SLC7A7: variants seen among roughly 807,000 people sequenced by gnomAD.
SLC7A7 encodes the protein Y+L amino acid transporter 1.
In SLC7A7, 39 loss-of-function variants were observed where a neutral mutation model predicts 47.9. The observed-to-expected ratio is 0.81, with a 90% CI of 0.63 to 1.06. The LOEUF (loss-of-function observed/expected upper bound fraction) is 1.06, where lower values mean the gene tolerates loss of function less well. SLC7A7 is among the 50% of genes least tolerant of loss of function. SLC7A7 has a pLI of 0.00. For synonymous variants in SLC7A7, 234 were observed against 242.8 expected (o/e 0.96, Z 0.34); for missense variants, 588 against 632.0 (o/e 0.93, Z 0.75).
chr14:22,792,897 A>AGAGAGAGAGAGAGAGAGAG (rs1555323613), intron 2 of SLC7A7, among the ~76,000 whole-genome samples: 6 of 61,898 alleles, frequency 9.7e-5, no homozygotes, highest in Non-Finnish European at 2.1e-4. Flanking sequence ...GAGAGAGAGA[A>AGAGAGAGAGAGAGAGAGAG]AGGAAAAGAA....
At chr14:22,801,560 G>T (rs924112840) in intron 2 of SLC7A7, among the ~76,000 whole-genome samples, 2 of 152,064 alleles carry the variant, frequency 1.3e-5, no homozygotes, top group African/African-American at 4.8e-5. Context: ...GAGGCAGGCG[G>T]ATCATGAGGT....
upstream of SLC7A7, chr14:22,815,738 T>A (rs2039398174): frequency 2.2e-6 from 1 of 451,124 alleles, no homozygotes; most frequent in Non-Finnish European, 4.5e-6. Context: ...CAGAGCAAGT[T>A]AGCTGAGGAC....
At chr14:22,795,772 C>T (rs933561019) in intron 2 of SLC7A7, among the ~76,000 whole-genome samples, 3 of 152,182 alleles carry the variant, frequency 2.0e-5, no homozygotes, top group African/African-American at 7.2e-5. Flanking sequence ...CGTGCCCGGC[C>T]TTGTTTTCTT....
chr14:22,775,518 C>T lies in SLC7A7; in HGVS notation c.1021G>A (p.Glu341Lys). The change falls in exon 7 of 10, where the codon GAA becomes AAA. Residue 341 changes from glutamate (E) to lysine (K), a missense_variant. Coordinates refer to ENST00000674313, the MANE Select transcript of SLC7A7 (RefSeq NM_003982.4). ...CAGATGGCATCAGGGAGATGGCCTT[C>T]TCTTGAGCCCACAAAGAAAAGCCTA... is the stretch of plus-strand genomic sequence containing the variant. ...ASRLFFVGSR[E>K]GHLPDAICMI... 1.2e-6 allele frequency: 2 copies of T among 1,614,180 alleles called. No homozygotes were observed. The highest frequency in any genetic ancestry group is 1.7e-6 in the Non-Finnish European group (2 of 1,180,020).
chr14:22,810,026 G>T (rs8017726), intron 2 of SLC7A7, among the ~76,000 whole-genome samples: 2 of 123,782 alleles, frequency 1.6e-5, no homozygotes, highest in Non-Finnish European at 3.2e-5. Flanking sequence ...GCAACAAGAG[G>T]GAAACACTGT....
chr14:22,808,780 T>C (rs1189419869), intron 2 of SLC7A7, among the ~76,000 whole-genome samples: 1 of 152,218 alleles, frequency 6.6e-6, no homozygotes, highest in Non-Finnish European at 1.5e-5. Flanking sequence ...TTATCAAAGA[T>C]AGAACAAAGT....
intron 7 of SLC7A7, among the ~76,000 whole-genome samples, chr14:22,774,818 C>G (rs964115656): frequency 6.6e-5 from 10 of 152,158 alleles, no homozygotes; most frequent in African/African-American, 2.4e-4. Context: ...TTATCTCCTC[C>G]TACATGTTGA....
chr14:22,773,830 A>G, intron 9 of SLC7A7, 103 bp downstream of exon 9: 1 of 1,561,868 alleles, frequency 6.4e-7, no homozygotes, highest in South Asian at 1.1e-5. Flanking sequence ...AAGGGTTCAT[A>G]AGAAGGGGCT....
At position 22,778,925 on chromosome 14, in the gene SLC7A7, T is replaced by C; in HGVS notation, c.638A>G (p.His213Arg). ...IVRLGQGAST[H>R]FENSFEGSSF... ...TGAACCCTCAAAGGAATTCTCAAAA[T>C]GAGTAGAGGCTCCTGGAACCCAAGA... Residue 213 changes from histidine (H) to arginine (R), a missense_variant, in exon 4 of 10, where the codon CAT becomes CGT. His to Arg is a conservative substitution (Grantham distance 29). Coordinates refer to ENST00000674313, the MANE Select transcript of SLC7A7 (RefSeq NM_003982.4). 6.2e-7 allele frequency: 1 copy of C among 1,614,004 alleles called. No individual in the cohort carries two copies.
At chr14:22,785,763 C>T (rs543329646) in intron 2 of SLC7A7, among the ~76,000 whole-genome samples, 3 of 150,674 alleles carry the variant, frequency 2.0e-5, no homozygotes, top group Admixed American at 6.6e-5. Context: ...GTGGCTCACG[C>T]TGTAATCCCA....
At chr14:22,776,170 CCTT>C (rs757476551) in intron 5 of SLC7A7, 22 bp downstream of exon 5, 2 of 1,614,180 alleles carry the variant, frequency 1.2e-6, no homozygotes, top group East Asian at 4.5e-5. Context: ...ACACCCTCAA[CCTT>C]CTGCTAGTGA....
chr14:22,795,762 C>T (rs940871695), intron 2 of SLC7A7, among the ~76,000 whole-genome samples: 6 of 152,196 alleles, frequency 3.9e-5, no homozygotes, highest in Admixed American at 2.0e-4. Flanking sequence ...CGTGAGCCAC[C>T]GTGCCCGGCC....
chr14:22,779,839 T>A, intron 3 of SLC7A7, 87 bp downstream of exon 3: 2 of 1,204,330 alleles, frequency 1.7e-6, no homozygotes, highest in Non-Finnish European at 2.4e-6. Flanking sequence ...TAGTAAGAAA[T>A]GAGATAATGC....
chr14:22,795,068 CTTTCTTTCTTTTTT>C (rs1444121585), intron 2 of SLC7A7, among the ~76,000 whole-genome samples: 1 of 122,686 alleles, frequency 8.2e-6, no homozygotes, highest in East Asian at 2.6e-4. Flanking sequence ...GTATTGTTTT[CTTTCTTTCTTTTTT>C]TTTTTTTTTT....
intron 2 of SLC7A7, among the ~76,000 whole-genome samples, chr14:22,796,606 A>C (rs766400098): frequency 2.6e-5 from 4 of 152,234 alleles, no homozygotes; most frequent in Non-Finnish European, 5.9e-5. Context: ...ACTGCCAGGT[A>C]CTGCTGACTC....
chr14:22,817,927 C>A (rs533756367), upstream of SLC7A7, among the ~76,000 whole-genome samples: 38 of 152,300 alleles, frequency 2.5e-4, no homozygotes, highest in African/African-American at 8.4e-4. Context: ...TCCTTCCTGG[C>A]TGCCCCTCCC....
intron 2 of SLC7A7, among the ~76,000 whole-genome samples, chr14:22,791,293 T>C (rs2038919980): frequency 6.6e-6 from 1 of 152,206 alleles, no homozygotes; most frequent in African/African-American, 2.4e-5. Flanking sequence ...ATCTTTCTGG[T>C]ATCTTAGAAT....
At position 22,776,251 on chromosome 14, in the gene SLC7A7, C is replaced by A; in HGVS notation, c.838G>T (p.Ala280Ser). Reference sequence around the variant, plus strand: ...CTCATGTCTAGCACAGTATAATAGGCCACATTGGTCAAGATATAGATGATG... The same window carrying A: ...CTCATGTCTAGCACAGTATAATAGGACACATTGGTCAAGATATAGATGATG... ...VTIIYILTNVAYYTVLDMRDI... is the reference protein window; with the variant it reads ...VTIIYILTNVSYYTVLDMRDI... The change falls in exon 5 of 10, where the codon GCC becomes TCC. Residue 280 changes from alanine (A) to serine (S), a missense_variant. Coordinates refer to ENST00000674313, the MANE Select transcript of SLC7A7 (RefSeq NM_003982.4). 6.2e-7 allele frequency: 1 copy of A among 1,614,170 alleles called. No individual in the cohort carries two copies. Among genetic ancestry groups the A allele is most frequent in the East Asian group, 2.2e-5 (1 of 44,888 alleles).
intron 2 of SLC7A7, among the ~76,000 whole-genome samples, chr14:22,787,873 A>G (rs1469336807): frequency 2.0e-5 from 3 of 152,050 alleles, no homozygotes; most frequent in African/African-American, 7.2e-5. Context: ...GGAGATCGAG[A>G]CCATCCTGGC....
Sources: gnomAD v4.1 joint callset for allele counts (sites outside exome capture counted in the v4.1 genomes callset) on GRCh38, gnomAD v4.1.1 for gene constraint, MANE v1.5 for transcripts, NCBI Gene and HGNC (gene_info 2026-07-23, HGNC 2026-07-21) for gene names.